The following OGG1 variants were observed in gnomAD, a reference collection of about 807,000 sequenced individuals.
The protein encoded by OGG1 is N-glycosylase/DNA lyase.
OGG1 carries 35 observed loss-of-function variants against 42.3 expected under a neutral mutation model. The observed-to-expected ratio is 0.83, with a 90% CI of 0.63 to 1.10. OGG1 has a LOEUF of 1.10. Among genes scored for constraint, OGG1 ranks in the 50% least tolerant of loss-of-function variants. OGG1 has a pLI of 0.00. For synonymous variants in OGG1, 189 were observed against 179.0 expected, an observed-to-expected ratio of 1.06 and a Z score of -0.44; for missense variants, 484 against 446.7, an observed-to-expected ratio of 1.08 and a Z score of -0.75.
chr3:9,753,689 G>C (rs1329593346), intron 3 of OGG1, among the ~76,000 whole-genome samples: 1 of 151,826 alleles, frequency 6.6e-6, no homozygotes, highest in Non-Finnish European at 1.5e-5. Flanking sequence ...TTGAGTCTCA[G>C]CTCCTGGCTT....
At chr3:9,781,866 G>T (rs1429309341) in intron 3 of OGG1, among the ~76,000 whole-genome samples, 3 of 128,768 alleles carry the variant, frequency 2.3e-5, no homozygotes, top group South Asian at 2.4e-4. Flanking sequence ...TTTGAGACAG[G>T]TCTCACTCTG....
intron 7 of OGG1, chr3:9,763,145 A>T: frequency 1.2e-6 from 2 of 1,614,176 alleles, no homozygotes; most frequent in Non-Finnish European, 1.7e-6. Flanking sequence ...TCACAGCTGC[A>T]TGATGAGGTA....
At chr3:9,784,313 T>G in intron 3 of OGG1, 2 of 1,444,968 alleles carry the variant, frequency 1.4e-6, no homozygotes, top group Non-Finnish European at 9.2e-7. Flanking sequence ...AAACCTGCCT[T>G]TCCCTTTGGG....
chr3:9,768,315 C>T (rs912939816), downstream of OGG1, among the ~76,000 whole-genome samples: 1 of 152,234 alleles, frequency 6.6e-6, no homozygotes, highest in African/African-American at 2.4e-5. Context: ...TGCACTGTTA[C>T]CACAGCAACA....
In OGG1 at chr3:9,754,255, A is replaced by G. The variant is rs3219009; in HGVS notation, c.566-449A>G. Among the ~76,000 whole-genome samples, 240 of 152,374 alleles carry G rather than the reference A, an allele frequency of 1.6e-3. 1 individual carries two copies. The highest frequency in any genetic ancestry group is 5.6e-3 in the African/African-American group (231 of 41,594). ...CTAAGCCCTCATTTTCTCCACATGTAAAATGGGAAAACAGCAGTACTGTCA... is the reference window on the plus strand; with the variant it reads ...CTAAGCCCTCATTTTCTCCACATGTGAAATGGGAAAACAGCAGTACTGTCA... On this transcript the variant is annotated intron_variant, in intron 3 of 6. Coordinates refer to ENST00000344629, the MANE Select transcript of OGG1 (RefSeq NM_002542.6).
downstream of OGG1, chr3:9,789,825 G>A: frequency 6.2e-7 from 1 of 1,614,224 alleles, no homozygotes. Flanking sequence ...CCTGGGCCAG[G>A]GCCCGGCCCA....
chr3:9,766,259 T>C, exon 8 of OGG1: 1 of 706,486 alleles, frequency 1.4e-6, no homozygotes, highest in Non-Finnish European at 2.6e-6. Flanking sequence ...ACCTGAGAAA[T>C]GGCCAAATAT....
At chr3:9,759,309 GAGA>G, downstream of OGG1, 3 of 1,594,156 alleles carry the variant, frequency 1.9e-6, no homozygotes, top group Non-Finnish European at 2.6e-6. Context: ...CTCTGGAATA[GAGA>G]AGGTGTTGGG....
intron 3 of OGG1, chr3:9,785,258 G>A (rs112652079): frequency 2.9e-6 from 4 of 1,398,544 alleles, no homozygotes; most frequent in Non-Finnish European, 3.0e-6. Context: ...GGTTGAGATG[G>A]AGAGAAGCCA....
At chr3:9,772,681 C>T (rs374189146) in intron 2 of OGG1, among the ~76,000 whole-genome samples, 1 of 152,256 alleles carries the variant, frequency 6.6e-6, no homozygotes, top group East Asian at 1.9e-4. Flanking sequence ...GACATGTTCA[C>T]CCCTTGGCCT....
rs376561994 is a variant in OGG1 at position 9,754,707 on chromosome 3, C to G, written c.569C>G (p.Pro190Arg). 92 of 1,613,998 alleles carry G rather than the reference C, an allele frequency of 5.7e-5. No individual in the cohort carries two copies. The highest frequency in any genetic ancestry group is 7.3e-5 in the Non-Finnish European group (86 of 1,180,010). The change falls in exon 4 of 7, where the codon CCA (proline) becomes CGA (arginine). Residue 190 changes from proline (P) to arginine (R), a missense_variant. Pro to Arg is a moderately radical substitution (Grantham distance 103). Coordinates refer to ENST00000344629, the MANE Select transcript of OGG1 (RefSeq NM_002542.6). ...GFPSLQALAG[P>R]EVEAHLRKLG... ...CCCTCCTCCTCACTCCCCGCAGGGC[C>G]AGAGGTGGAGGCTCATCTCAGGAAG...
rs573562934 is a variant in OGG1 at position 9,773,494 on chromosome 3, C to A, written c.295-8019C>A. On this transcript the variant is annotated intron_variant, in intron 2 of 3. Transcript: ENST00000426518. ...AGGCAGAGCTTGCAGTGAGCAGAGA[C>A]CACGCGCCACTGCACTCCAGCCTGG... is the stretch of plus-strand genomic sequence containing the variant. Among the ~76,000 whole-genome samples the A allele has an allele frequency of 1.4e-3, 218 of 151,890 alleles. 1 individual carries two copies. Among genetic ancestry groups the A allele is most frequent in the Non-Finnish European group, 2.4e-3 (163 of 67,902 alleles).
At chr3:9,784,584 G>C (rs748312020) in intron 3 of OGG1, among the ~76,000 whole-genome samples, 1 of 151,874 alleles carries the variant, frequency 6.6e-6, no homozygotes, top group Non-Finnish European at 1.5e-5. Context: ...TTGTAAGTAA[G>C]CCAGGCATGG....
chr3:9,781,457 G>C (rs9832913), intron 2 of OGG1: 1 of 447,820 alleles, frequency 2.2e-6, no homozygotes, highest in African/African-American at 2.0e-5. Context: ...GTTAGTGAGG[G>C]GGAGATCTGG....
downstream of OGG1, chr3:9,767,829 T>G: frequency 6.4e-7 from 1 of 1,573,312 alleles, no homozygotes; most frequent in Non-Finnish European, 8.6e-7. Context: ...CAGCCCTCTG[T>G]CTGGGAATTT....
intron 3 of OGG1, among the ~76,000 whole-genome samples, chr3:9,786,445 C>G (rs1000723900): frequency 6.6e-6 from 1 of 152,154 alleles, no homozygotes; most frequent in Non-Finnish European, 1.5e-5. Flanking sequence ...AAAACTGAGT[C>G]TCAATGAGGT....
chr3:9,758,682 T>G (rs952693015), downstream of OGG1: 1 of 165,038 alleles, frequency 6.1e-6, no homozygotes, highest in African/African-American at 2.4e-5. Context: ...CAGGCTGGAG[T>G]GCAGTGGCGC....
chr3:9,785,921 CACTCCTCCTT>C (rs2078596740), intron 3 of OGG1, among the ~76,000 whole-genome samples: 1 of 151,506 alleles, frequency 6.6e-6, no homozygotes, highest in South Asian at 2.1e-4. Context: ...TTCCTTCACA[CACTCCTCCTT>C]GTTTTGTTTT....
intron 2 of OGG1, among the ~76,000 whole-genome samples, chr3:9,775,051 C>T (rs2078347801): frequency 6.6e-6 from 1 of 151,176 alleles, no homozygotes; most frequent in Non-Finnish European, 1.5e-5. Context: ...GGAGTTCTCA[C>T]CAACATGGTG....
Sources: gnomAD v4.1 joint callset for allele counts (sites outside exome capture counted in the v4.1 genomes callset) on GRCh38, gnomAD v4.1.1 for gene constraint, MANE v1.5 for transcripts, NCBI Gene and HGNC (gene_info 2026-07-23, HGNC 2026-07-21) for gene names.